The following NDST3 variants were observed in gnomAD, a reference collection of about 807,000 sequenced individuals.
NDST3 encodes the protein bifunctional heparan sulfate N-deacetylase/N-sulfotransferase 3.
Under a neutral mutation model 96.1 loss-of-function variants are expected in NDST3, and 58 were observed. That is an observed-to-expected ratio of 0.60 (90% CI 0.49 to 0.75). NDST3 has a LOEUF of 0.75. Among genes scored for constraint, NDST3 ranks in the 30% least tolerant of loss-of-function variants. The pLI, the probability that NDST3 is intolerant of heterozygous loss-of-function variation, is 0.00. For missense variants in NDST3, 788 were observed against 1,034.2 expected (o/e 0.76, Z 3.27); for synonymous variants, 333 against 359.7 (o/e 0.93, Z 0.84).
chr4:118,254,409 A>T (rs1741981467), intron 13 of NDST3, among the ~76,000 whole-genome samples: 1 of 152,164 alleles, frequency 6.6e-6, no homozygotes, highest in Admixed American at 6.5e-5. Flanking sequence ...AACATCTAAC[A>T]TACTAGCAGA....
chr4:118,234,643 G>A (rs1740520579), intron 9 of NDST3, among the ~76,000 whole-genome samples: 1 of 151,482 alleles, frequency 6.6e-6, no homozygotes, highest in African/African-American at 2.4e-5. Context: ...AAAATTTATG[G>A]TAAAAAATTA....
intron 6 of NDST3, among the ~76,000 whole-genome samples, chr4:118,154,790 G>A (rs79859830): frequency 0.02 from 3,111 of 152,134 alleles, 39 homozygotes; most frequent in South Asian, 0.033. Context: ...CACTTCACCC[G>A]CTACAACACA....
chr4:118,231,289 T>C (rs551759263), intron 8 of NDST3, among the ~76,000 whole-genome samples: 1 of 151,508 alleles, frequency 6.6e-6, no homozygotes, highest in East Asian at 1.9e-4. Context: ...TGAGCCCAGA[T>C]CGTGCCACTG....
chr4:118,215,506 C>T (rs1015119327), intron 6 of NDST3, among the ~76,000 whole-genome samples: 2 of 152,052 alleles, frequency 1.3e-5, no homozygotes, highest in Non-Finnish European at 2.9e-5. Flanking sequence ...AAGTCAGCAC[C>T]TGAGTACTGT....
At chr4:118,126,782 G>C (rs905321445) in intron 4 of NDST3, among the ~76,000 whole-genome samples, 24 of 151,892 alleles carry the variant, frequency 1.6e-4, no homozygotes, top group African/African-American at 5.8e-4. Flanking sequence ...GTTCTCCATA[G>C]TGGTTGTACT....
At chr4:118,073,121 G>A (rs1047486723) in intron 2 of NDST3, among the ~76,000 whole-genome samples, 2 of 151,996 alleles carry the variant, frequency 1.3e-5, no homozygotes, top group African/African-American at 4.8e-5. Flanking sequence ...TGCTGTATTT[G>A]ATTTGCTAAT....
intron 6 of NDST3, among the ~76,000 whole-genome samples, chr4:118,206,205 T>C (rs1156633310): frequency 6.9e-6 from 1 of 144,378 alleles, no homozygotes; most frequent in African/African-American, 2.6e-5. Flanking sequence ...CTGTCATCTG[T>C]GAACTGGGCA....
intron 4 of NDST3, among the ~76,000 whole-genome samples, chr4:118,120,167 A>G (rs1731441556): frequency 6.6e-6 from 1 of 152,162 alleles, no homozygotes; most frequent in Non-Finnish European, 1.5e-5. Flanking sequence ...TCATTACTGT[A>G]TTAAAATGTA....
At chr4:118,045,032 C>T (rs1263694887) in intron 1 of NDST3, among the ~76,000 whole-genome samples, 1 of 152,144 alleles carries the variant, frequency 6.6e-6, no homozygotes, top group Non-Finnish European at 1.5e-5. Flanking sequence ...CATAAGATCT[C>T]CCTACAATCT....
chr4:118,119,439 T>A (rs1403849239), intron 4 of NDST3, among the ~76,000 whole-genome samples: 1 of 152,182 alleles, frequency 6.6e-6, no homozygotes. Flanking sequence ...GATTTTCCTT[T>A]TATTGACATT....
chr4:118,227,126 C>T (rs2271578), intron 8 of NDST3, 144 bp downstream of exon 8: 107,286 of 625,180 alleles, frequency 0.17, 9,834 homozygotes, highest in South Asian at 0.24. Flanking sequence ...TTCATTTAGC[C>T]CAGTAATATA....
In NDST3 at chr4:118,240,539, G is replaced by A. The variant is rs1740939878; in HGVS notation, c.2134G>A (p.Glu712Lys). 1 of 1,611,736 alleles carries A rather than the reference G, an allele frequency of 6.2e-7. No homozygotes were observed. The highest frequency in any genetic ancestry group is 1.7e-4 in the Middle Eastern group (1 of 5,990). ...YSWYQHQRSHEDPAALKFSFY... is the reference protein window; with the variant it reads ...YSWYQHQRSHKDPAALKFSFY... ...TTCATCATAGCATCAGCGATCACAT[G>A]AAGACCCTGCAGCTCTGAAGTTTAG... is the stretch of plus-strand genomic sequence containing the variant. The change falls in exon 11 of 14, where the codon GAA (glutamate) becomes AAA (lysine). Residue 712 changes from glutamate (E) to lysine (K), a missense_variant. Physicochemically the swap from Glu to Lys is moderately conservative, Grantham distance 56 (BLOSUM62 1). This residue lies in a region of NDST3 where 490 missense variants were observed against 708.8 expected (regional missense o/e 0.69). Coordinates refer to ENST00000296499, the MANE Select transcript of NDST3 (RefSeq NM_004784.3).
At chr4:118,136,961 C>G (rs1733154056) in intron 4 of NDST3, among the ~76,000 whole-genome samples, 1 of 152,204 alleles carries the variant, frequency 6.6e-6, no homozygotes, top group Non-Finnish European at 1.5e-5. Flanking sequence ...TGGCAAACCA[C>G]TGGCAAGCTG....
chr4:118,075,061 C>A (rs182774057), intron 2 of NDST3, among the ~76,000 whole-genome samples: 30 of 152,116 alleles, frequency 2.0e-4, no homozygotes, highest in African/African-American at 7.0e-4. Flanking sequence ...ATCCCCCCAC[C>A]CCATGACAGG....
At chr4:118,221,987 C>A in intron 6 of NDST3, among the ~76,000 whole-genome samples, 1 of 136,876 alleles carries the variant, frequency 7.3e-6, no homozygotes, top group Non-Finnish European at 1.7e-5. Flanking sequence ...GATCAATTTT[C>A]CATCTAAAAA....
At chr4:118,104,943 CA>C (rs1730048065) in intron 2 of NDST3, 74 bp from the exon 3 acceptor site, 3 of 1,183,170 alleles carry the variant, frequency 2.5e-6, no homozygotes, top group Non-Finnish European at 2.5e-6. Context: ...CCTCTGAATG[CA>C]AAAAGGATAT....
At chr4:118,122,822 G>A (rs1055046858) in intron 4 of NDST3, among the ~76,000 whole-genome samples, 2 of 152,014 alleles carry the variant, frequency 1.3e-5, no homozygotes, top group East Asian at 1.9e-4. Context: ...ATACATCCTC[G>A]GTTAATTCTC....
intron 6 of NDST3, among the ~76,000 whole-genome samples, chr4:118,220,943 G>A (rs911657181): frequency 1.3e-5 from 2 of 151,982 alleles, no homozygotes; most frequent in Non-Finnish European, 2.9e-5. Flanking sequence ...ATATTTCTAT[G>A]GAAAATAAAA....
intron 4 of NDST3, among the ~76,000 whole-genome samples, chr4:118,125,115 C>T (rs1319950251): frequency 6.6e-6 from 1 of 152,092 alleles, no homozygotes; most frequent in Non-Finnish European, 1.5e-5. Flanking sequence ...GCTCAAAGCT[C>T]TCATTCTCTA....
Sources: allele counts gnomAD v4.1 joint callset (sites outside exome capture counted in the v4.1 genomes callset), GRCh38; gene constraint gnomAD v4.1.1; regional missense constraint gnomAD v4.1.1; transcripts MANE v1.5; gene names NCBI Gene and HGNC (gene_info 2026-07-23, HGNC 2026-07-21).